The following CREB1 variants were observed in gnomAD, a reference collection of about 807,000 sequenced individuals.
CREB1 encodes cyclic AMP-responsive element-binding protein 1.
A neutral mutation model predicts 42.0 loss-of-function variants in CREB1; 2 were observed. That is an observed-to-expected ratio of 0.05 (90% CI 0.02 to 0.15). CREB1 has a LOEUF of 0.15. Among genes scored for constraint, CREB1 ranks in the 10% least tolerant of loss-of-function variants. The pLI is 1.00. For missense variants in CREB1, 199 were observed against 388.9 expected, an observed-to-expected ratio of 0.51 and a Z score of 4.11; for synonymous variants, 123 against 139.9, an observed-to-expected ratio of 0.88 and a Z score of 0.85.
Position 207,558,501 on chromosome 2 carries a change from C to T in CREB1, c.115-1725C>T, listed in dbSNP as rs749272855. On this transcript the variant is annotated intron_variant, in intron 2 of 7. Coordinates refer to ENST00000353267, the MANE Select transcript of CREB1 (RefSeq NM_004379.5). ...CAAATTTTCATAAAATCACTTCCCT[C>T]GTTCCCATCTCTACTACTACTAACT... 1.1e-4 allele frequency among the ~76,000 whole-genome samples: 17 copies of T among 152,250 alleles called. No homozygotes were observed. In the East Asian group the frequency reaches 1.2e-3, roughly 10 times the overall value.
chr2:207,586,724 A>G, intron 7 of CREB1, among the ~76,000 whole-genome samples: 1 of 152,232 alleles, frequency 6.6e-6, no homozygotes, highest in Non-Finnish European at 1.5e-5. Flanking sequence ...CAAAAATCCT[A>G]TTAAAAAGTG....
At chr2:207,578,939 C>G (rs966305041) in intron 7 of CREB1, among the ~76,000 whole-genome samples, 1 of 151,994 alleles carries the variant, frequency 6.6e-6, no homozygotes, top group Non-Finnish European at 1.5e-5. Context: ...TACAGGTGCC[C>G]ACCACCACGC....
chr2:207,577,481 C>T, intron 6 of CREB1, 24 bp from the exon 7 acceptor site: 1 of 1,612,474 alleles, frequency 6.2e-7, no homozygotes. Context: ...TTCTGTCTTA[C>T]ACCATGCTCA....
At chr2:207,581,134 G>T (rs761017376) in intron 7 of CREB1, 5 of 213,604 alleles carry the variant, frequency 2.3e-5, no homozygotes, top group African/African-American at 6.8e-5. Context: ...AGGTTAAATG[G>T]ATTTGACCAT....
intron 5 of CREB1, among the ~76,000 whole-genome samples, chr2:207,570,823 T>C (rs1014198029): frequency 1.2e-4 from 18 of 152,206 alleles, no homozygotes; most frequent in African/African-American, 3.4e-4. Flanking sequence ...ATATGAAAGA[T>C]AGTAATATAC....
chr2:207,531,189 A>G (rs2080609010), intron 1 of CREB1, among the ~76,000 whole-genome samples: 1 of 151,618 alleles, frequency 6.6e-6, no homozygotes, highest in Non-Finnish European at 1.5e-5. Flanking sequence ...CAGCCGATGT[A>G]CTCTTGTTTT....
At position 207,601,659 on chromosome 2, in the gene CREB1, A is replaced by G. The variant is rs1250081768; in HGVS notation, c.*4601A>G. ...TCTAGAATAGTACAAGACTTTTTAA[A>G]GCAATTGTCCTCACAGAGACCACAT... is the stretch of plus-strand genomic sequence containing the variant. On this transcript the variant is annotated 3_prime_UTR_variant, in exon 8 of 8. Transcript: ENST00000353267. 4.7e-6 allele frequency: 1 copy of G among 212,978 alleles called. No individual in the cohort carries two copies. The highest frequency in any genetic ancestry group is 9.5e-6 in the Non-Finnish European group (1 of 105,418). The allele number at this position is 212,978 out of a possible 1,614,324, so 13.2% of individuals were successfully genotyped here. A position where few individuals can be genotyped will look rare whatever the true frequency, so the allele number is the denominator to read the frequency against.
rs1441009006 is a variant in CREB1, at chr2:207,603,367, CTG to C, written c.*6311_*6312del. 5 of 224,522 alleles carry C rather than the reference CTG, an allele frequency of 2.2e-5. No homozygotes were observed. The highest frequency in any genetic ancestry group is 2.7e-5 in the Non-Finnish European group (3 of 112,756). 13.9% of individuals were successfully genotyped at this position (224,522 alleles called of 1,614,324 possible). A position where few individuals can be genotyped will look rare whatever the true frequency, so the allele number is the denominator to read the frequency against. ...CTTACTGTAATCTTTGTGGTATCAA[CTG>C]TCATAATGCTCTTTTTACACAAACA... On this transcript the variant is annotated 3_prime_UTR_variant, in exon 8 of 8. Transcript: ENST00000353267.
intron 1 of CREB1, 21 bp from the exon 2 acceptor site, chr2:207,555,607 C>A: frequency 6.7e-7 from 1 of 1,483,398 alleles, no homozygotes; most frequent in Non-Finnish European, 9.4e-7. Context: ...GTGCTTGTAA[C>A]ACTCTTCCAT....
At position 207,559,871 on chromosome 2, in the gene CREB1, A is replaced by G. The variant is rs140720537; in HGVS notation, c.115-355A>G. On this transcript the variant is annotated intron_variant, in intron 2 of 7. Transcript: ENST00000353267. ...TATCACCCAGTCTTCAGTTTCTTCA[A>G]ATAGCAAAATCAGAAATTGGAAATG... Among the ~76,000 whole-genome samples the G allele has an allele frequency of 1.5e-3, 223 of 152,312 alleles. 1 individual carries two copies. The highest frequency in any genetic ancestry group is 5.1e-3 in the African/African-American group (210 of 41,574).
At chr2:207,536,428 G>A (rs543932769) in intron 1 of CREB1, among the ~76,000 whole-genome samples, 21 of 151,950 alleles carry the variant, frequency 1.4e-4, no homozygotes, top group Non-Finnish European at 2.4e-4. Flanking sequence ...GGGGGCAGGC[G>A]CCTGCAATCC....
chr2:207,560,860 A>T (rs1559283885), intron 3 of CREB1, among the ~76,000 whole-genome samples: 1 of 152,188 alleles, frequency 6.6e-6, no homozygotes, highest in Non-Finnish European at 1.5e-5. Flanking sequence ...CTTTGAAATA[A>T]TATATTCAGA....
At chr2:207,542,827 T>C (rs901816432) in intron 1 of CREB1, among the ~76,000 whole-genome samples, 3 of 152,248 alleles carry the variant, frequency 2.0e-5, no homozygotes, top group Non-Finnish European at 2.9e-5. Context: ...AAGCTACTAA[T>C]GTGTATTTGG....
intron 4 of CREB1, among the ~76,000 whole-genome samples, chr2:207,569,529 T>A (rs1362577680): frequency 6.6e-6 from 1 of 152,188 alleles, no homozygotes; most frequent in East Asian, 1.9e-4. Context: ...TTTAGTTGAT[T>A]GTTGACTTTT....
intron 7 of CREB1, among the ~76,000 whole-genome samples, chr2:207,595,243 C>G (rs548701900): frequency 1.8e-4 from 27 of 152,140 alleles, no homozygotes; most frequent in Non-Finnish European, 3.2e-4. Context: ...ATCCACCCGC[C>G]TCTGCCTCCC....
chr2:207,594,160 C>A (rs2106636759), intron 7 of CREB1, among the ~76,000 whole-genome samples: 1 of 152,206 alleles, frequency 6.6e-6, no homozygotes, highest in Non-Finnish European at 1.5e-5. Flanking sequence ...GAGCAGCTTG[C>A]TAAAGAATAA....
chr2:207,567,439 T>C, intron 3 of CREB1, 24 bp from the exon 4 acceptor site: 1 of 1,521,966 alleles, frequency 6.6e-7, no homozygotes, highest in Non-Finnish European at 9.1e-7. Context: ...TGATTATCAA[T>C]ATGAAGTTTT....
intron 7 of CREB1, among the ~76,000 whole-genome samples, chr2:207,587,689 A>G (rs1473887742): frequency 2.0e-5 from 3 of 152,242 alleles, no homozygotes; most frequent in African/African-American, 7.2e-5. Flanking sequence ...AAATAACTCA[A>G]ACATGGAAAG....
At chr2:207,564,924 T>C (rs552689518) in intron 3 of CREB1, among the ~76,000 whole-genome samples, 3 of 152,358 alleles carry the variant, frequency 2.0e-5, no homozygotes, top group Admixed American at 1.3e-4. Flanking sequence ...GTGATGATGA[T>C]ACGTGATGTT....
Sources: gnomAD v4.1 joint callset for allele counts (sites outside exome capture counted in the v4.1 genomes callset) on GRCh38, gnomAD v4.1.1 for gene constraint, MANE v1.5 for transcripts, NCBI Gene and HGNC (gene_info 2026-07-23, HGNC 2026-07-21) for gene names.